RERE: variants seen among roughly 807,000 people sequenced by gnomAD.
RERE encodes the protein arginine-glutamic acid dipeptide repeats protein.
In RERE, 40 loss-of-function variants were observed where a neutral mutation model predicts 146.1. That is an observed-to-expected ratio of 0.27 (90% confidence interval 0.21 to 0.36). The LOEUF (loss-of-function observed/expected upper bound fraction) is 0.36, where lower values mean the gene tolerates loss of function less well. Ranked by LOEUF, RERE falls within the 10% of genes least tolerant of loss-of-function variation. The pLI is 1.00. For synonymous variants in RERE, 1,003 were observed against 866.0 expected (o/e 1.16, Z -2.78); for missense variants, 1,933 against 2,138.7 (o/e 0.90, Z 1.90).
intron 7 of RERE, among the ~76,000 whole-genome samples, chr1:8,516,193 C>T (rs969143709): frequency 2.3e-5 from 3 of 129,996 alleles, no homozygotes; most frequent in Non-Finnish European, 4.7e-5. Flanking sequence ...CCAGTGTACT[C>T]CAGCCTGGGG....
chr1:8,543,932 A>G (rs1326535258), intron 6 of RERE, among the ~76,000 whole-genome samples: 1 of 152,196 alleles, frequency 6.6e-6, no homozygotes, highest in East Asian at 1.9e-4. Flanking sequence ...ACTGACATTT[A>G]AACATTTCAC....
At chr1:8,536,939 A>C (rs1211230118) in intron 7 of RERE, among the ~76,000 whole-genome samples, 1 of 152,170 alleles carries the variant, frequency 6.6e-6, no homozygotes, top group African/African-American at 2.4e-5. Flanking sequence ...GGAGCGGCTC[A>C]TACCTGTACT....
rs549064981 is a variant in RERE, at chr1:8,757,285, A to G, written c.-145+59875T>C. Among the ~76,000 whole-genome samples, 4 of 152,270 alleles carry G rather than the reference A, an allele frequency of 2.6e-5. No individual in the cohort carries two copies. The East Asian group carries it at 7.7e-4, about 29-fold the overall frequency. ...TTCCTAATAATCACTGTCCTGTATG[A>G]ACTTTCCCTAGCAAATTACTGCCCC... is the stretch of plus-strand genomic sequence containing the variant. On this transcript the variant is annotated intron_variant, in intron 1 of 22. Coordinates refer to ENST00000400908, the MANE Select transcript of RERE (RefSeq NM_001042681.2).
At chr1:8,780,645 G>C (rs543076465) in intron 1 of RERE, among the ~76,000 whole-genome samples, 27 of 152,308 alleles carry the variant, frequency 1.8e-4, no homozygotes, top group African/African-American at 6.0e-4. Flanking sequence ...AGAAAAAGTA[G>C]ATCTGTGTGT....
intron 3 of RERE, among the ~76,000 whole-genome samples, chr1:8,622,681 T>G (rs566601340): frequency 1.9e-4 from 29 of 152,128 alleles, no homozygotes; most frequent in African/African-American, 6.7e-4. Context: ...CAAGAATAGA[T>G]CCATCTTAGA....
In RERE at chr1:8,638,935, G is replaced by A. The variant is rs367586004; in HGVS notation, c.326-14555C>T. Among the ~76,000 whole-genome samples, 34 of 151,872 alleles carry A rather than the reference G, an allele frequency of 2.2e-4. No individual in the cohort carries two copies. The East Asian group carries it at 3.5e-3, about 16-fold the overall frequency. ...ACTACAGGCACCCGCCAACACGCCC[G>A]GCTAATTGTTTGCATTTTTAGTAGA... On this transcript the variant is annotated intron_variant, in intron 2 of 22. Transcript: ENST00000400908.
rs561984631 is a variant in RERE at position 8,426,081 on chromosome 1, T to C, written c.1204-3274A>G. On this transcript the variant is annotated intron_variant, in intron 11 of 22. Coordinates refer to ENST00000400908, the MANE Select transcript of RERE (RefSeq NM_001042681.2). ...GGCGTCTACAGTGGTAACTATTTTC[T>C]GTTACCATTTTCTATGAGTCTGTAC... is the stretch of plus-strand genomic sequence containing the variant. Among the ~76,000 whole-genome samples the C allele has an allele frequency of 3.3e-5, 5 of 152,308 alleles. No homozygotes were observed. In the East Asian group the frequency reaches 7.7e-4, roughly 23 times the overall value.
chr1:8,455,663 A>T (rs1644445675), intron 11 of RERE, among the ~76,000 whole-genome samples: 1 of 152,180 alleles, frequency 6.6e-6, no homozygotes, highest in African/African-American at 2.4e-5. Context: ...GCACTGAAGC[A>T]ATGTGAGGTT....
At chr1:8,593,377 T>C (rs996681962) in intron 4 of RERE, among the ~76,000 whole-genome samples, 1 of 152,148 alleles carries the variant, frequency 6.6e-6, no homozygotes, top group Non-Finnish European at 1.5e-5. Flanking sequence ...GGGGTGGGTC[T>C]TTCGTGTGCT....
intron 1 of RERE, among the ~76,000 whole-genome samples, chr1:8,750,150 CAA>C (rs3045405): frequency 3.1e-5 from 3 of 96,518 alleles, no homozygotes; most frequent in Admixed American, 1.3e-4. Flanking sequence ...GCCTCTGTCT[CAA>C]AAAAAAAAAA....
At chr1:8,386,037 T>A (rs1225428143) in intron 12 of RERE, among the ~76,000 whole-genome samples, 23 of 117,304 alleles carry the variant, frequency 2.0e-4, no homozygotes, top group African/African-American at 5.1e-4. Flanking sequence ...TTTTTTTTTT[T>A]TTTTTTTTTT....
rs538682886 is a variant in RERE, at chr1:8,579,875, A to AT, written c.523-22353dup. ...AAAAATTAGTTGGGCGTGGTGGCGC[A>AT]TGCCTGTAATCCCAGCTACATGGGA... is the stretch of plus-strand genomic sequence containing the variant. On this transcript the variant is annotated intron_variant, in intron 4 of 22. Coordinates refer to ENST00000400908, the MANE Select transcript of RERE (RefSeq NM_001042681.2). Among the ~76,000 whole-genome samples, 17 of 152,300 alleles carry AT rather than the reference A, an allele frequency of 1.1e-4. No individual in the cohort carries two copies. The East Asian group carries it at 3.3e-3, about 29-fold the overall frequency.
chr1:8,665,837 T>C (rs1232949930), intron 1 of RERE, among the ~76,000 whole-genome samples: 1 of 152,152 alleles, frequency 6.6e-6, no homozygotes, highest in Non-Finnish European at 1.5e-5. Context: ...ACTGGATACA[T>C]CTGAGAGAGA....
intron 1 of RERE, among the ~76,000 whole-genome samples, chr1:8,704,212 A>G (rs1164756496): frequency 2.0e-5 from 3 of 152,218 alleles, no homozygotes; most frequent in Admixed American, 6.5e-5. Context: ...AAAAATATAT[A>G]TATCAACTTG....
At chr1:8,523,122 T>G (rs1217503906) in intron 7 of RERE, among the ~76,000 whole-genome samples, 1 of 149,916 alleles carries the variant, frequency 6.7e-6, no homozygotes, top group African/African-American at 2.5e-5. Flanking sequence ...CCCAGGGAGG[T>G]CAAGGCTGCA....
chr1:8,493,371 T>C (rs1176298953), intron 10 of RERE, among the ~76,000 whole-genome samples: 10 of 152,182 alleles, frequency 6.6e-5, no homozygotes, highest in Admixed American at 5.2e-4. Context: ...TCAGTGACAA[T>C]GTACACAAAC....
intron 11 of RERE, among the ~76,000 whole-genome samples, chr1:8,463,146 G>T (rs2124116519): frequency 6.6e-6 from 1 of 152,250 alleles, no homozygotes; most frequent in Admixed American, 6.5e-5. Context: ...TCAAAGATTT[G>T]ATTTGGATCC....
intron 11 of RERE, among the ~76,000 whole-genome samples, chr1:8,456,191 A>T (rs1302903320): frequency 6.6e-6 from 1 of 152,176 alleles, no homozygotes; most frequent in Non-Finnish European, 1.5e-5. Flanking sequence ...GATTTTTGAG[A>T]TGACTCTTTT....
At chr1:8,634,436 C>T (rs908987790) in intron 2 of RERE, among the ~76,000 whole-genome samples, 14 of 152,184 alleles carry the variant, frequency 9.2e-5, no homozygotes, top group Non-Finnish European at 2.9e-5. Context: ...AGACTGTGCT[C>T]TTGTTTTATT....
Sources: allele counts gnomAD v4.1 joint callset (sites outside exome capture counted in the v4.1 genomes callset), GRCh38; gene constraint gnomAD v4.1.1; transcripts MANE v1.5; gene names NCBI Gene and HGNC (gene_info 2026-07-23, HGNC 2026-07-21).